Variants in FAF1 observed in about 807,000 individuals in gnomAD.
FAF1 encodes the protein Fas associated factor 1.
Under a neutral mutation model 92.5 loss-of-function variants are expected in FAF1, and 25 were observed. That is an observed-to-expected ratio of 0.27 (90% CI 0.20 to 0.38). FAF1 has a LOEUF of 0.38. Ranked by LOEUF, FAF1 falls within the 10% of genes least tolerant of loss-of-function variation. The pLI, the probability that FAF1 is intolerant of heterozygous loss-of-function variation, is 1.00. For synonymous variants in FAF1, 234 were observed against 273.2 expected, an observed-to-expected ratio of 0.86 and a Z score of 1.42; for missense variants, 636 against 793.3, an observed-to-expected ratio of 0.80 and a Z score of 2.38.
intron 18 of FAF1, among the ~76,000 whole-genome samples, chr1:50,463,996 G>A (rs1183858214): frequency 6.6e-6 from 1 of 152,160 alleles, no homozygotes; most frequent in African/African-American, 2.4e-5. Context: ...AGGAAAGTAG[G>A]AGTGAAAGTG....
At chr1:50,544,304 A>T (rs1032891334) in intron 13 of FAF1, among the ~76,000 whole-genome samples, 1 of 152,160 alleles carries the variant, frequency 6.6e-6, no homozygotes, top group African/African-American at 2.4e-5. Flanking sequence ...GTGATCCTAA[A>T]CCTTTAGTGG....
At chr1:50,828,676 C>T (rs759437188) in intron 2 of FAF1, among the ~76,000 whole-genome samples, 30 of 151,976 alleles carry the variant, frequency 2.0e-4, no homozygotes, top group Non-Finnish European at 2.5e-4. Context: ...CGATAAATTA[C>T]GACATTAAAT....
intron 2 of FAF1, among the ~76,000 whole-genome samples, chr1:50,850,673 TG>T (rs1303650284): frequency 2.0e-5 from 3 of 152,066 alleles, no homozygotes; most frequent in Admixed American, 6.6e-5. Flanking sequence ...AATGAGTACC[TG>T]GCAGGTATAA....
chr1:50,937,186 C>A lies in FAF1; in HGVS notation c.45+22581G>T, dbSNP rs114218874. Reference sequence around the variant, plus strand: ...TTTTAAGGTATTACTATTAATTGTGCATTAATAATAATACAATGTGCACAA... The same window carrying A: ...TTTTAAGGTATTACTATTAATTGTGAATTAATAATAATACAATGTGCACAA... On this transcript the variant is annotated intron_variant, in intron 1 of 18. Transcript: ENST00000396153. Among the ~76,000 whole-genome samples the A allele has an allele frequency of 3.6e-3, 550 of 152,112 alleles. 3 individuals are homozygous for A. The highest frequency in any genetic ancestry group is 0.013 in the African/African-American group (533 of 41,496).
At position 50,876,170 on chromosome 1, in the gene FAF1, G is replaced by A. The variant is rs145503800; in HGVS notation, c.46-18173C>T. Among the ~76,000 whole-genome samples the A allele has an allele frequency of 7.2e-5, 11 of 152,294 alleles. No homozygotes were observed. The East Asian group carries it at 1.2e-3, about 16-fold the overall frequency. On this transcript the variant is annotated intron_variant, in intron 1 of 18. Transcript: ENST00000396153. ...AGGACACAGTACTTGAGCAGGCTTC[G>A]TGCTTCTCAAGATGAAATGGAGTAC... is the stretch of plus-strand genomic sequence containing the variant.
At chr1:50,718,167 C>CCGAGTAGCTGGGATTACCACG (rs1658266524) in intron 6 of FAF1, among the ~76,000 whole-genome samples, 1 of 151,876 alleles carries the variant, frequency 6.6e-6, no homozygotes, top group Non-Finnish European at 1.5e-5. Flanking sequence ...TTACAGGCAC[C>CCGAGTAGCTGGGATTACCACG]CGAGTAGCTG....
intron 7 of FAF1, among the ~76,000 whole-genome samples, chr1:50,677,431 C>T (rs1410734020): frequency 1.3e-5 from 2 of 151,960 alleles, no homozygotes; most frequent in Admixed American, 1.3e-4. Flanking sequence ...TAAAGATGAG[C>T]TCTTATGTTT....
chr1:50,573,996 G>T (rs6670012), intron 12 of FAF1, among the ~76,000 whole-genome samples: 7,143 of 152,132 alleles, frequency 0.047, 543 homozygotes, highest in African/African-American at 0.16. Flanking sequence ...GGGTGTGGTG[G>T]GGTGCGCCTG....
intron 13 of FAF1, among the ~76,000 whole-genome samples, chr1:50,554,873 A>G (rs1395072967): frequency 6.6e-6 from 1 of 152,178 alleles, no homozygotes; most frequent in Non-Finnish European, 1.5e-5. Context: ...CTTGTCTAAT[A>G]TCATCTTGTT....
chr1:50,826,217 C>A (rs947062570), intron 2 of FAF1, among the ~76,000 whole-genome samples: 6 of 152,038 alleles, frequency 3.9e-5, no homozygotes, highest in African/African-American at 1.4e-4. Context: ...GAGAAAGCCA[C>A]AAATATTCTC....
At position 50,655,503 on chromosome 1, in the gene FAF1, G is replaced by A; in HGVS notation, c.683C>T (p.Thr228Ile). 1.9e-6 allele frequency: 3 copies of A among 1,612,382 alleles called. No homozygotes were observed. The highest frequency in any genetic ancestry group is 2.5e-6 in the Non-Finnish European group (3 of 1,178,396). Reference protein sequence around the residue: ...QEVKRNVYDLTSIPVRHQLWE... With the variant: ...QEVKRNVYDLISIPVRHQLWE... ...TAATTGGTGGCGAACGGGGATACTT[G>A]TAAGGTCATACACATTTCTCTTTAC... is the stretch of plus-strand genomic sequence containing the variant. Residue 228 changes from threonine (T) to isoleucine (I), a missense_variant, in exon 8 of 19, where the codon ACA (threonine) becomes ATA (isoleucine). Physicochemically the swap from Thr to Ile is moderately conservative, Grantham distance 89. Around this residue, in one of 2 missense-constraint regions of FAF1, gnomAD observed 317 missense variants for 342.4 expected, o/e 0.93. Transcript: ENST00000396153.
intron 5 of FAF1, among the ~76,000 whole-genome samples, chr1:50,742,153 T>TAAA (rs61200472): frequency 1.8e-4 from 25 of 141,894 alleles, no homozygotes; most frequent in Non-Finnish European, 2.8e-4. Flanking sequence ...TACAAAAATT[T>TAAA]AAAAAAAAAA....
At chr1:50,587,598 A>C (rs1048451150) in intron 9 of FAF1, among the ~76,000 whole-genome samples, 8 of 152,220 alleles carry the variant, frequency 5.3e-5, no homozygotes, top group Admixed American at 5.2e-4. Context: ...AAATCCAGAA[A>C]AAGTATTTAT....
chr1:50,594,031 G>C (rs1236586730), intron 9 of FAF1, among the ~76,000 whole-genome samples: 2 of 152,268 alleles, frequency 1.3e-5, no homozygotes, highest in South Asian at 2.1e-4. Context: ...TCTAGTTTAA[G>C]GCCAGGCGTG....
chr1:50,615,002 C>T, intron 8 of FAF1, among the ~76,000 whole-genome samples: 1 of 152,144 alleles, frequency 6.6e-6, no homozygotes, highest in East Asian at 1.9e-4. Flanking sequence ...AGGTAGTGAG[C>T]ATACTACCCA....
At chr1:50,748,305 G>A (rs767175223) in intron 4 of FAF1, among the ~76,000 whole-genome samples, 2 of 151,890 alleles carry the variant, frequency 1.3e-5, no homozygotes, top group African/African-American at 2.4e-5. Context: ...AGACCAGCCT[G>A]CCCAACATGG....
intron 12 of FAF1, among the ~76,000 whole-genome samples, chr1:50,573,020 G>A (rs1346068064): frequency 1.3e-5 from 2 of 151,954 alleles, no homozygotes; most frequent in Non-Finnish European, 2.9e-5. Context: ...TTTAAAAGTA[G>A]GACATCAATG....
At chr1:50,778,968 G>A (rs1168693313) in intron 4 of FAF1, among the ~76,000 whole-genome samples, 1 of 152,096 alleles carries the variant, frequency 6.6e-6, no homozygotes, top group East Asian at 1.9e-4. Context: ...TTTACAGTTG[G>A]AGTCAATTCT....
chr1:50,924,905 C>T (rs1382286397), intron 1 of FAF1, among the ~76,000 whole-genome samples: 1 of 152,160 alleles, frequency 6.6e-6, no homozygotes, highest in Non-Finnish European at 1.5e-5. Flanking sequence ...ATTACTTGAA[C>T]CCAGGAGGCG....
Sources: allele counts gnomAD v4.1 joint callset (sites outside exome capture counted in the v4.1 genomes callset), GRCh38; gene constraint gnomAD v4.1.1; regional missense constraint gnomAD v4.1.1; transcripts MANE v1.5; gene names NCBI Gene and HGNC (gene_info 2026-07-23, HGNC 2026-07-21).